The following GRID1 variants were observed in gnomAD, a reference collection of about 807,000 sequenced individuals.
The protein encoded by GRID1 is glutamate receptor ionotropic, delta-1.
In GRID1, 28 loss-of-function variants were observed where a neutral mutation model predicts 98.0. The observed-to-expected ratio is 0.29, with a 90% CI of 0.21 to 0.39. The LOEUF (loss-of-function observed/expected upper bound fraction) is 0.39, where lower values mean the gene tolerates loss of function less well. GRID1 is among the 10% of genes least tolerant of loss of function. GRID1 has a pLI of 1.00. For missense variants in GRID1, 1,111 were observed against 1,340.5 expected (o/e 0.83, Z 2.67); for synonymous variants, 553 against 538.5 (o/e 1.03, Z -0.37).
intron 2 of GRID1, among the ~76,000 whole-genome samples, chr10:86,326,471 C>T (rs557646778): frequency 6.6e-6 from 1 of 152,298 alleles, no homozygotes; most frequent in East Asian, 1.9e-4. Context: ...AAGGGTAAAA[C>T]GGTCTGAACC....
chr10:85,663,433 G>A (rs906325031), intron 12 of GRID1, among the ~76,000 whole-genome samples: 1 of 152,186 alleles, frequency 6.6e-6, no homozygotes, highest in Non-Finnish European at 1.5e-5. Flanking sequence ...GCCCTCAGAA[G>A]AAATCAGCTC....
At chr10:86,077,415 G>A (rs555161215) in intron 4 of GRID1, among the ~76,000 whole-genome samples, 2 of 152,212 alleles carry the variant, frequency 1.3e-5, no homozygotes, top group Admixed American at 1.3e-4. Context: ...AACACACCCT[G>A]CAGTCTGCAG....
At chr10:86,125,400 G>A (rs1407241678) in intron 4 of GRID1, among the ~76,000 whole-genome samples, 1 of 152,232 alleles carries the variant, frequency 6.6e-6, no homozygotes, top group Non-Finnish European at 1.5e-5. Flanking sequence ...CAGCAGCCTT[G>A]TGGAGTACTG....
intron 4 of GRID1, among the ~76,000 whole-genome samples, chr10:86,127,914 C>T (rs148230037): frequency 2.2e-4 from 34 of 152,290 alleles, no homozygotes; most frequent in African/African-American, 7.7e-4. Flanking sequence ...ATTTGCAGAG[C>T]ACCACCCCTG....
At chr10:85,964,132 G>A (rs1003903414) in intron 4 of GRID1, among the ~76,000 whole-genome samples, 3 of 152,126 alleles carry the variant, frequency 2.0e-5, no homozygotes, top group Non-Finnish European at 4.4e-5. Context: ...AAGGAAATAA[G>A]AGAGGACACA....
chr10:86,070,209 C>A (rs1216413876), intron 4 of GRID1, among the ~76,000 whole-genome samples: 1 of 152,168 alleles, frequency 6.6e-6, no homozygotes, highest in African/African-American at 2.4e-5. Flanking sequence ...AATTAAATTC[C>A]TCTGGGCTGG....
rs1324318345 is a variant in GRID1, at chr10:85,601,436, C to T, written c.*837G>A. 6.6e-6 allele frequency: 1 copy of T among 152,232 alleles called. No homozygotes were observed. The highest frequency in any genetic ancestry group is 1.5e-5 in the Non-Finnish European group (1 of 68,056). The allele number at this position is 152,232 out of a possible 1,614,324, so 9.4% of individuals were successfully genotyped here. ...GACCAACCCCACCTCCGCCCAGTCT[C>T]CCTGAGGAAACGATGGAGTCTGCCC... On this transcript the variant is annotated 3_prime_UTR_variant, in exon 16 of 16. Coordinates refer to ENST00000327946, the MANE Select transcript of GRID1 (RefSeq NM_017551.3).
At chr10:86,047,237 G>T (rs1373865278) in intron 4 of GRID1, among the ~76,000 whole-genome samples, 1 of 152,204 alleles carries the variant, frequency 6.6e-6, no homozygotes, top group Admixed American at 6.5e-5. Context: ...AGCTACCTGG[G>T]CCCTGGTGGG....
intron 2 of GRID1, among the ~76,000 whole-genome samples, chr10:86,212,098 C>A (rs77496117): frequency 0.032 from 4,831 of 152,302 alleles, 130 homozygotes; most frequent in African/African-American, 0.061. Context: ...TATTCTCCAT[C>A]CCCGTGGGGA....
At chr10:86,171,603 G>C (rs996341489) in intron 3 of GRID1, among the ~76,000 whole-genome samples, 1 of 152,190 alleles carries the variant, frequency 6.6e-6, no homozygotes, top group Non-Finnish European at 1.5e-5. Context: ...AGGTAGGGTG[G>C]GGGCTGTGCA....
intron 4 of GRID1, among the ~76,000 whole-genome samples, chr10:85,941,983 G>A (rs568499853): frequency 3.9e-5 from 6 of 152,312 alleles, no homozygotes; most frequent in African/African-American, 1.4e-4. Flanking sequence ...GTGCAGTGGG[G>A]CACTGGAGGG....
chr10:85,743,393 G>T (rs909079255), intron 8 of GRID1, among the ~76,000 whole-genome samples: 11 of 152,106 alleles, frequency 7.2e-5, no homozygotes, highest in African/African-American at 2.7e-4. Context: ...CTGACATACA[G>T]AATCCATTAG....
chr10:86,326,135 G>T (rs998772754), intron 2 of GRID1, among the ~76,000 whole-genome samples: 2 of 152,178 alleles, frequency 1.3e-5, no homozygotes, highest in African/African-American at 4.8e-5. Flanking sequence ...ATTTGTATTA[G>T]AAATAAAATC....
At chr10:85,704,927 C>A (rs1309462680) in intron 12 of GRID1, among the ~76,000 whole-genome samples, 4 of 152,086 alleles carry the variant, frequency 2.6e-5, no homozygotes, top group Non-Finnish European at 4.4e-5. Context: ...CCAGTGAGAA[C>A]AAAGACACAA....
At chr10:85,711,765 A>G (rs574754709) in intron 12 of GRID1, among the ~76,000 whole-genome samples, 129 of 151,980 alleles carry the variant, frequency 8.5e-4, no homozygotes, top group African/African-American at 3.0e-3. Flanking sequence ...AAAACTAAAT[A>G]TAGAAGATTA....
intron 2 of GRID1, among the ~76,000 whole-genome samples, chr10:86,344,076 G>T (rs111878036): frequency 7.9e-5 from 12 of 152,236 alleles, no homozygotes; most frequent in African/African-American, 2.9e-4. Flanking sequence ...CAGTGCCTGG[G>T]CCCTTGCCCA....
At position 86,144,614 on chromosome 10, in the gene GRID1, C is replaced by T. The variant is rs551519684; in HGVS notation, c.521-5590G>A. 1.1e-4 allele frequency among the ~76,000 whole-genome samples: 17 copies of T among 152,296 alleles called. No homozygotes were observed. The East Asian group carries it at 3.3e-3, about 29-fold the overall frequency. The stretch of plus-strand genomic sequence containing the variant: ...CAGTCATCAACAAACAAGGGCCCTC[C>T]TCGGTCTTTGTCTTCCACGGTTCTC... On this transcript the variant is annotated intron_variant, in intron 3 of 15. Coordinates refer to ENST00000327946, the MANE Select transcript of GRID1 (RefSeq NM_017551.3).
At chr10:86,027,029 C>T (rs1843125354) in intron 4 of GRID1, among the ~76,000 whole-genome samples, 3 of 152,248 alleles carry the variant, frequency 2.0e-5, no homozygotes. Context: ...AAGAGCTCCA[C>T]TCAGAAGGAG....
intron 8 of GRID1, among the ~76,000 whole-genome samples, chr10:85,772,240 T>C (rs9794335): frequency 0.61 from 92,334 of 151,502 alleles, 28,538 homozygotes; most frequent in East Asian, 0.81. Context: ...CATAACGAAA[T>C]GAAGGCAGAA....
Sources: allele counts gnomAD v4.1 joint callset (sites outside exome capture counted in the v4.1 genomes callset), GRCh38; gene constraint gnomAD v4.1.1; transcripts MANE v1.5; gene names NCBI Gene and HGNC (gene_info 2026-07-23, HGNC 2026-07-21).